The following TENM1 variants were observed in gnomAD, a reference collection of about 807,000 sequenced individuals.
TENM1 encodes the protein teneurin transmembrane protein 1.
TENM1 carries 35 observed loss-of-function variants against 174.8 expected under a neutral mutation model. That is an observed-to-expected ratio of 0.20 (90% CI 0.15 to 0.27). TENM1 has a LOEUF of 0.27. Among genes scored for constraint, TENM1 ranks in the 10% least tolerant of loss-of-function variants. TENM1 has a pLI of 1.00. For synonymous variants in TENM1, 781 were observed against 798.7 expected (o/e 0.98, Z 0.37); for missense variants, 1,633 against 2,130.1 (o/e 0.77, Z 4.59).
chrX:125,077,340 T>C, the TENM1 span, among the ~76,000 whole-genome samples: 1 of 111,319 alleles, frequency 9.0e-6, no homozygotes, highest in African/African-American at 3.3e-5. Context: ...ACTGAATTTT[T>C]GAGCTCCATG....
chrX:125,021,586 A>T, the TENM1 span, among the ~76,000 whole-genome samples: 1 of 107,743 alleles, frequency 9.3e-6, no homozygotes, highest in Non-Finnish European at 1.9e-5. Context: ...TCTGGCAAAC[A>T]TTTTTTTTTT....
chrX:124,550,788 T>C (rs1182283246), intron 14 of TENM1, among the ~76,000 whole-genome samples: 1 of 110,334 alleles, frequency 9.1e-6, no homozygotes, highest in African/African-American at 3.3e-5. Flanking sequence ...AGACGGACTT[T>C]TGCTCTGTCG....
At chrX:124,399,926 C>T (rs1224278761) in intron 27 of TENM1, among the ~76,000 whole-genome samples, 1 of 111,302 alleles carries the variant, frequency 9.0e-6, no homozygotes, top group Non-Finnish European at 1.9e-5. Context: ...GAGCCAAGAT[C>T]GTGCCACTGC....
intron 3 of TENM1, among the ~76,000 whole-genome samples, chrX:124,774,925 C>G (rs751054738): frequency 9.0e-6 from 1 of 111,064 alleles, no homozygotes; most frequent in South Asian, 3.9e-4. Context: ...CCTCCCTTCT[C>G]CTGCTCCCTC....
intron 3 of TENM1, among the ~76,000 whole-genome samples, chrX:124,837,651 T>G: frequency 8.9e-6 from 1 of 111,835 alleles, no homozygotes; most frequent in Admixed American, 9.5e-5. Flanking sequence ...AACATTGACA[T>G]CTGAGTGAAT....
chrX:124,680,693 G>A (rs759252133), intron 5 of TENM1, among the ~76,000 whole-genome samples: 52 of 111,499 alleles, frequency 4.7e-4, no homozygotes, highest in African/African-American at 1.6e-3. Context: ...AATGAATAAC[G>A]TAGCAAAAAT....
the TENM1 span, among the ~76,000 whole-genome samples, chrX:125,184,085 A>G: frequency 8.9e-6 from 1 of 111,804 alleles, no homozygotes; most frequent in African/African-American, 3.2e-5. Flanking sequence ...GGGCTTTTCT[A>G]CTATGTCATG....
chrX:124,736,887 G>A, intron 4 of TENM1, 70 bp downstream of exon 7: 1 of 1,126,425 alleles, frequency 8.9e-7, no homozygotes, highest in East Asian at 3.0e-5. Flanking sequence ...GATGAAATGA[G>A]TTTCTGCAAT....
At chrX:124,419,288 G>C (rs755062218) in intron 25 of TENM1, among the ~76,000 whole-genome samples, 1 of 111,649 alleles carries the variant, frequency 9.0e-6, no homozygotes, top group Non-Finnish European at 1.9e-5. Context: ...GGCTTTCATG[G>C]GACTGGACAT....
At chrX:125,056,000 T>A in the TENM1 span, among the ~76,000 whole-genome samples, 1 of 111,550 alleles carries the variant, frequency 9.0e-6, no homozygotes, top group African/African-American at 3.3e-5. Flanking sequence ...TACTTTCATG[T>A]CCACACACAG....
At chrX:125,026,731 A>T in the TENM1 span, among the ~76,000 whole-genome samples, 4 of 112,408 alleles carry the variant, frequency 3.6e-5, no homozygotes, top group Middle Eastern at 4.7e-3. Flanking sequence ...AAAATTAAAT[A>T]AATTAATTAA....
At position 124,963,526 on chromosome X, in the gene TENM1, T is replaced by C. The variant is rs2058686064; in HGVS notation, c.217+11A>G. On this transcript the variant is annotated intron_variant, in intron 1 of 31. Transcript: ENST00000422452. ...AATAATATTTGTTATAAAGATCCAA[T>C]AAAAACATACCTTGAGTAGATTTTT... is the stretch of plus-strand genomic sequence containing the variant. 1 of 1,175,415 alleles carries C rather than the reference T, an allele frequency of 8.5e-7. No individual in the cohort carries two copies.
chrX:124,948,977 C>G (rs1306876952), intron 1 of TENM1, among the ~76,000 whole-genome samples: 2 of 111,971 alleles, frequency 1.8e-5, no homozygotes, highest in Non-Finnish European at 3.8e-5. Flanking sequence ...CACTATTGCT[C>G]TATTTCTATA....
chrX:124,532,969 C>T (rs187481506), intron 15 of TENM1, among the ~76,000 whole-genome samples: 2 of 112,123 alleles, frequency 1.8e-5, no homozygotes, highest in East Asian at 5.6e-4. Flanking sequence ...GTCTAAATTT[C>T]AGGACAGTAT....
intron 3 of TENM1, among the ~76,000 whole-genome samples, chrX:124,813,116 G>A (rs1196750839): frequency 9.0e-6 from 1 of 110,842 alleles, no homozygotes; most frequent in South Asian, 3.7e-4. Flanking sequence ...AATAATAAAA[G>A]ACCAACAATC....
intron 3 of TENM1, among the ~76,000 whole-genome samples, chrX:124,879,613 C>A (rs2057269059): frequency 8.9e-6 from 1 of 111,736 alleles, no homozygotes; most frequent in East Asian, 2.8e-4. Context: ...ATACCGATTT[C>A]TTTTCCTGTG....
At chrX:124,689,769 CTA>C (rs1225510839) in intron 5 of TENM1, among the ~76,000 whole-genome samples, 2 of 110,384 alleles carry the variant, frequency 1.8e-5, no homozygotes, top group South Asian at 3.9e-4. Flanking sequence ...TCTACATATA[CTA>C]TGTTTTTTTT....
chrX:124,708,456 T>A (rs1406892437), intron 4 of TENM1, among the ~76,000 whole-genome samples: 1 of 111,572 alleles, frequency 9.0e-6, no homozygotes, highest in Admixed American at 9.5e-5. Context: ...GCTATAGGAA[T>A]TTTTCCTCAG....
chrX:125,186,176 A>G, the TENM1 span, among the ~76,000 whole-genome samples: 1 of 111,380 alleles, frequency 9.0e-6, no homozygotes, highest in African/African-American at 3.3e-5. Flanking sequence ...AAAAAATCAT[A>G]TATGTATTTC....
Sources: gnomAD v4.1 joint callset for allele counts (sites outside exome capture counted in the v4.1 genomes callset) on GRCh38, gnomAD v4.1.1 for gene constraint, MANE v1.5 for transcripts, NCBI Gene and HGNC (gene_info 2026-07-23, HGNC 2026-07-21) for gene names.